The following DPYSL2 variants were observed in gnomAD, a reference collection of about 807,000 sequenced individuals.
DPYSL2 encodes the protein dihydropyrimidinase like 2, also known as dihydropyrimidinase-related protein 2.
Under a neutral mutation model 69.9 loss-of-function variants are expected in DPYSL2, and 13 were observed. That is an observed-to-expected ratio of 0.19 (90% confidence interval 0.12 to 0.30). The LOEUF (loss-of-function observed/expected upper bound fraction) is 0.30. DPYSL2 is among the 10% of genes least tolerant of loss of function. The pLI, the probability that DPYSL2 is intolerant of heterozygous loss-of-function variation, is 1.00. For synonymous variants in DPYSL2, 326 were observed against 359.1 expected (o/e 0.91, Z 1.04); for missense variants, 587 against 918.9 (o/e 0.64, Z 4.67).
chr8:26,599,515 C>A (rs1342323064), intron 3 of DPYSL2, among the ~76,000 whole-genome samples: 1 of 151,960 alleles, frequency 6.6e-6, no homozygotes, highest in Admixed American at 6.6e-5. Context: ...AAGAAAATTT[C>A]TGAGTAAGAG....
At position 26,658,134 on chromosome 8, in the gene DPYSL2, A is replaced by C. The variant is rs528690315; in HGVS notation, c.*2428A>C. ...TTATTCCTTAAGAACTCTGTGTTAT[A>C]TTACCATGGAACGCCTAATAAAGCA... is the stretch of plus-strand genomic sequence containing the variant. On this transcript the variant is annotated 3_prime_UTR_variant, in exon 14 of 14. Transcript: ENST00000521913. The surrounding 1 kb of genome is among the most constrained non-coding windows in gnomAD (Gnocchi z 4.7). 1.3e-5 allele frequency: 2 copies of C among 152,544 alleles called. No individual in the cohort carries two copies. The highest frequency in any genetic ancestry group is 2.4e-5 in the African/African-American group (1 of 41,418). 9.4% of individuals were successfully genotyped at this position (152,544 alleles called of 1,614,324 possible). A position where few individuals can be genotyped will look rare whatever the true frequency, so the allele number is the denominator to read the frequency against.
chr8:26,578,062 A>T, intron 1 of DPYSL2: 1 of 1,461,984 alleles, frequency 6.8e-7, no homozygotes, highest in Non-Finnish European at 9.0e-7. Context: ...GAGAGGAAGA[A>T]AGAGAGACAG....
chr8:26,592,642 A>T (rs1361755643), intron 3 of DPYSL2, among the ~76,000 whole-genome samples: 2 of 150,524 alleles, frequency 1.3e-5, no homozygotes, highest in East Asian at 1.9e-4. Flanking sequence ...TGCCCAGCTA[A>T]TTTTTTTTGT....
At chr8:26,567,298 C>CACCACACTTCCATCCACCT (rs1563389383) in intron 1 of DPYSL2, among the ~76,000 whole-genome samples, 1 of 150,294 alleles carries the variant, frequency 6.7e-6, no homozygotes, top group Non-Finnish European at 1.5e-5. Flanking sequence ...TCCATCCACC[C>CACCACACTTCCATCCACCT]ACCACACATC....
At chr8:26,543,982 C>T (rs1483188717) in intron 1 of DPYSL2, among the ~76,000 whole-genome samples, 1 of 152,204 alleles carries the variant, frequency 6.6e-6, no homozygotes, top group Non-Finnish European at 1.5e-5. Context: ...TAGCCTAGAA[C>T]CTTTTTCCTT....
At chr8:26,645,880 T>C (rs1442488556) in intron 10 of DPYSL2, among the ~76,000 whole-genome samples, 4 of 150,382 alleles carry the variant, frequency 2.7e-5, no homozygotes, top group African/African-American at 9.8e-5. Context: ...TTTTTTTGGC[T>C]GGGGGAGACA....
chr8:26,541,578 G>A (rs1800684638), intron 1 of DPYSL2, among the ~76,000 whole-genome samples: 1 of 152,184 alleles, frequency 6.6e-6, no homozygotes, highest in Non-Finnish European at 1.5e-5. Flanking sequence ...AAGATGGTAT[G>A]TAAATTACTT....
intron 1 of DPYSL2, among the ~76,000 whole-genome samples, chr8:26,537,840 T>G (rs1800620266): frequency 6.6e-6 from 1 of 152,188 alleles, no homozygotes; most frequent in African/African-American, 2.4e-5. Flanking sequence ...CCAATAACAT[T>G]CTTTAGTAGG....
At chr8:26,583,709 G>C (rs377571388) in intron 2 of DPYSL2, 90 bp from the exon 3 acceptor site, 4 of 1,214,274 alleles carry the variant, frequency 3.3e-6, no homozygotes, top group Non-Finnish European at 2.3e-6. Flanking sequence ...CAGAGCGGAG[G>C]ATAGTTTATA....
intron 1 of DPYSL2, among the ~76,000 whole-genome samples, chr8:26,554,480 G>C (rs1159769129): frequency 6.6e-6 from 1 of 151,598 alleles, no homozygotes; most frequent in Non-Finnish European, 1.5e-5. Context: ...TGTTTACTCT[G>C]TTGATAGTTT....
At chr8:26,547,522 C>G (rs1399742364) in intron 1 of DPYSL2, 1 of 152,654 alleles carries the variant, frequency 6.6e-6, no homozygotes, top group African/African-American at 2.4e-5. Flanking sequence ...CATAACCAGA[C>G]CCAGATATTG....
At chr8:26,534,659 G>A (rs1800563582) in intron 1 of DPYSL2, among the ~76,000 whole-genome samples, 1 of 151,490 alleles carries the variant, frequency 6.6e-6, no homozygotes, top group Admixed American at 6.6e-5. Flanking sequence ...ATTTAAGACA[G>A]GGTCTCATTC....
At position 26,652,793 on chromosome 8, in the gene DPYSL2, G is replaced by C. The variant is rs1803305015; in HGVS notation, c.1776+357G>C. On this transcript the variant is annotated intron_variant, in intron 12 of 13. Coordinates refer to ENST00000521913, the MANE Select transcript of DPYSL2 (RefSeq NM_001197293.3). The surrounding 1 kb of genome is among the most constrained non-coding windows in gnomAD (Gnocchi z 6.3). The stretch of plus-strand genomic sequence containing the variant: ...TTGTCAAGTCAAAGAAGGGAGATGA[G>C]GGAATTTGATAAGAGTATCATGAGC... Among the ~76,000 whole-genome samples the C allele has an allele frequency of 6.6e-6, 1 of 152,172 alleles. No individual in the cohort carries two copies. The highest frequency in any genetic ancestry group is 2.4e-5 in the African/African-American group (1 of 41,440).
Position 26,643,898 on chromosome 8 carries a change from C to T in DPYSL2, c.1284-52C>T, listed in dbSNP as rs376157493. 44 of 1,580,240 alleles carry T rather than the reference C, an allele frequency of 2.8e-5. No homozygotes were observed. The highest frequency in any genetic ancestry group is 4.5e-5 in the East Asian group (2 of 44,226). ...AGACAGCCCACCAAATAGGTGTAGG[C>T]GCACAGCATCTTGACGAAGCTGCAG... On this transcript the variant is annotated intron_variant, in intron 9 of 13. Transcript: ENST00000521913. The surrounding 1 kb of genome is among the most constrained non-coding windows in gnomAD (Gnocchi z 6.5).
chr8:26,632,578 C>G (rs1802803231), intron 7 of DPYSL2, among the ~76,000 whole-genome samples: 1 of 152,170 alleles, frequency 6.6e-6, no homozygotes, highest in Non-Finnish European at 1.5e-5. Context: ...GTGGCTTGTA[C>G]CTGTCATCCC....
chr8:26,603,995 G>T (rs1182066921), intron 3 of DPYSL2, among the ~76,000 whole-genome samples: 2 of 152,140 alleles, frequency 1.3e-5, no homozygotes, highest in African/African-American at 4.8e-5. Context: ...TTGGGTGTGT[G>T]CCCGTAAATG....
intron 1 of DPYSL2, chr8:26,578,456 A>T (rs956792708): frequency 6.8e-7 from 1 of 1,480,270 alleles, no homozygotes; most frequent in East Asian, 2.4e-5. Context: ...GTTGTGGGAG[A>T]TGCAGTGATC....
intron 1 of DPYSL2, among the ~76,000 whole-genome samples, chr8:26,528,420 G>A (rs568234252): frequency 2.6e-5 from 4 of 152,176 alleles, no homozygotes; most frequent in South Asian, 4.2e-4. Context: ...AGGCTGAGGC[G>A]GGTGGATCCC....
At chr8:26,555,373 A>C (rs1388158569) in intron 1 of DPYSL2, among the ~76,000 whole-genome samples, 3 of 151,918 alleles carry the variant, frequency 2.0e-5, no homozygotes, top group Non-Finnish European at 4.4e-5. Context: ...TACAATAAAA[A>C]CTCCTGGAAC....
Sources: allele counts gnomAD v4.1 joint callset (sites outside exome capture counted in the v4.1 genomes callset), GRCh38; gene constraint gnomAD v4.1.1; non-coding constraint Gnocchi (gnomAD v3.1); transcripts MANE v1.5; gene names NCBI Gene and HGNC (gene_info 2026-07-23, HGNC 2026-07-21).